PTPRD: variants seen among roughly 807,000 people sequenced by gnomAD.
The protein encoded by PTPRD is receptor-type tyrosine-protein phosphatase delta.
Under a neutral mutation model 214.5 loss-of-function variants are expected in PTPRD, and 34 were observed. The ratio of observed to expected loss-of-function variants is 0.16; its 90% CI spans 0.12 to 0.21. The LOEUF is 0.21. PTPRD is among the 10% of genes least tolerant of loss of function. The probability of loss-of-function intolerance (pLI) is 1.00; values close to 1 mark genes in which losing one functional copy is unlikely to be tolerated. For missense variants in PTPRD, 2,545 were observed against 2,398.7 expected (o/e 1.06, Z -1.27); for synonymous variants, 1,128 against 845.7 (o/e 1.33, Z -5.79).
chr9:10,385,269 T>C (rs2060656233), intron 2 of PTPRD, among the ~76,000 whole-genome samples: 1 of 151,958 alleles, frequency 6.6e-6, no homozygotes, highest in East Asian at 1.9e-4. Flanking sequence ...TGGTTATATA[T>C]GCAGTGTGTA....
At chr9:10,412,623 C>T (rs531599362) in intron 2 of PTPRD, among the ~76,000 whole-genome samples, 1 of 68,542 alleles carries the variant, frequency 1.5e-5, no homozygotes, top group Non-Finnish European at 2.7e-5. Flanking sequence ...CGCACGCACA[C>T]ACACACACAA....
At chr9:8,590,072 A>G (rs1460275944) in intron 14 of PTPRD, among the ~76,000 whole-genome samples, 1 of 152,138 alleles carries the variant, frequency 6.6e-6, no homozygotes, top group East Asian at 1.9e-4. Context: ...GACCTAGGCC[A>G]TACTTAAGGG....
intron 2 of PTPRD, among the ~76,000 whole-genome samples, chr9:10,365,491 T>C (rs1166293981): frequency 6.6e-6 from 1 of 152,238 alleles, no homozygotes; most frequent in Non-Finnish European, 1.5e-5. Context: ...TTTTTATTTA[T>C]TCTTCAAGAT....
At chr9:8,489,749 T>A (rs1460909966) in intron 27 of PTPRD, among the ~76,000 whole-genome samples, 1 of 152,232 alleles carries the variant, frequency 6.6e-6, no homozygotes, top group African/African-American at 2.4e-5. Flanking sequence ...AGGAGAGTTC[T>A]ACATCATTGA....
intron 10 of PTPRD, among the ~76,000 whole-genome samples, chr9:9,092,038 C>A (rs899160578): frequency 2.6e-5 from 4 of 152,142 alleles, no homozygotes; most frequent in Non-Finnish European, 5.9e-5. Context: ...GAAAGTCATG[C>A]CACTTTAGAA....
In PTPRD at chr9:10,429,539, A is replaced by T. The variant is rs574232201; in HGVS notation, c.-599-88522T>A. Among the ~76,000 whole-genome samples the T allele has an allele frequency of 2.0e-5, 3 of 152,058 alleles. No homozygotes were observed. In the South Asian group the frequency reaches 6.2e-4, roughly 32 times the overall value. ...TGTCATTTTCAGCAACATGGATGGA[A>T]CTGGAGGCCATTATCTTAAGTGAAA... On this transcript the variant is annotated intron_variant, in intron 2 of 45. Transcript: ENST00000381196.
At chr9:8,974,966 G>A (rs556921507) in intron 11 of PTPRD, among the ~76,000 whole-genome samples, 6 of 151,564 alleles carry the variant, frequency 4.0e-5, no homozygotes, top group East Asian at 2.0e-4. Flanking sequence ...GTGTGGTGGC[G>A]GGTGCCTATA....
chr9:8,759,729 T>G lies in PTPRD; in HGVS notation c.-103-25783A>C, dbSNP rs527716571. ...TCTGCTCTTTCATCAAGACTATATC[T>G]TCTTCCTTTCTGCTGAGGAAGTAAA... On this transcript the variant is annotated intron_variant, in intron 11 of 45. Coordinates refer to ENST00000381196, the MANE Select transcript of PTPRD (RefSeq NM_002839.4). Among the ~76,000 whole-genome samples the G allele has an allele frequency of 8.5e-5, 13 of 152,206 alleles. No individual in the cohort carries two copies. In the East Asian group the frequency reaches 2.3e-3, roughly 27 times the overall value.
chr9:10,213,377 G>T (rs2099525848), intron 3 of PTPRD, among the ~76,000 whole-genome samples: 1 of 152,046 alleles, frequency 6.6e-6, no homozygotes, highest in Admixed American at 6.6e-5. Context: ...TGTACAAGTG[G>T]CATGTGTCCT....
At chr9:10,309,877 GACA>G (rs2096218689) in intron 3 of PTPRD, among the ~76,000 whole-genome samples, 2 of 152,014 alleles carry the variant, frequency 1.3e-5, no homozygotes, top group Non-Finnish European at 2.9e-5. Flanking sequence ...AACATTTTTG[GACA>G]ACATTTGTGT....
At chr9:10,282,922 TTCTA>T (rs2095198423) in intron 3 of PTPRD, among the ~76,000 whole-genome samples, 2 of 152,138 alleles carry the variant, frequency 1.3e-5, no homozygotes, top group South Asian at 4.1e-4. Context: ...ATTCTCTCAT[TTCTA>T]TCTGTCTATC....
chr9:10,121,612 T>G (rs1367944052), intron 3 of PTPRD, among the ~76,000 whole-genome samples: 1 of 152,222 alleles, frequency 6.6e-6, no homozygotes, highest in Non-Finnish European at 1.5e-5. Context: ...TTATCTTTAA[T>G]TCTTGCTCTG....
intron 2 of PTPRD, among the ~76,000 whole-genome samples, chr9:10,496,867 G>C (rs1156692794): frequency 6.6e-6 from 1 of 151,984 alleles, no homozygotes; most frequent in Non-Finnish European, 1.5e-5. Context: ...ACCTTTGTCA[G>C]ATGCATAGTT....
At chr9:9,246,775 G>A (rs1337024809) in intron 9 of PTPRD, among the ~76,000 whole-genome samples, 1 of 152,018 alleles carries the variant, frequency 6.6e-6, no homozygotes, top group African/African-American at 2.4e-5. Flanking sequence ...CATTGCTCAT[G>A]AGACAATCCA....
At chr9:9,130,134 T>C (rs2154473661) in intron 10 of PTPRD, among the ~76,000 whole-genome samples, 1 of 152,246 alleles carries the variant, frequency 6.6e-6, no homozygotes, top group African/African-American at 2.4e-5. Flanking sequence ...ACTGAAGGTA[T>C]TTTCAGGGGG....
intron 2 of PTPRD, among the ~76,000 whole-genome samples, chr9:10,460,351 G>A (rs1021516323): frequency 1.3e-4 from 20 of 150,742 alleles, no homozygotes; most frequent in Admixed American, 6.6e-5. Flanking sequence ...AATCCCAGTG[G>A]CATTATTCAC....
intron 2 of PTPRD, among the ~76,000 whole-genome samples, chr9:10,359,360 C>A (rs2097334973): frequency 2.0e-5 from 3 of 151,898 alleles, no homozygotes; most frequent in Non-Finnish European, 1.5e-5. Flanking sequence ...CTTCTTTATT[C>A]CCCCAGTTTT....
chr9:10,346,725 T>C (rs569816020), intron 2 of PTPRD, among the ~76,000 whole-genome samples: 1 of 152,262 alleles, frequency 6.6e-6, no homozygotes, highest in South Asian at 2.1e-4. Context: ...TGAGAGAGGA[T>C]ATCTTGTTTT....
chr9:8,870,789 G>C (rs927952545), intron 11 of PTPRD, among the ~76,000 whole-genome samples: 7 of 146,088 alleles, frequency 4.8e-5, no homozygotes, highest in African/African-American at 1.7e-4. Flanking sequence ...ATTGCAGGAG[G>C]AGGAAGGGTG....
Sources: allele counts gnomAD v4.1 joint callset (sites outside exome capture counted in the v4.1 genomes callset), GRCh38; gene constraint gnomAD v4.1.1; transcripts MANE v1.5; gene names NCBI Gene and HGNC (gene_info 2026-07-23, HGNC 2026-07-21).